The following KIAA0232 variants were observed in gnomAD, a reference collection of about 807,000 sequenced individuals.
The protein encoded by KIAA0232 is KIAA0232.
A neutral mutation model predicts 122.0 loss-of-function variants in KIAA0232; 27 were observed. The observed-to-expected ratio is 0.22, with a 90% CI of 0.16 to 0.31. The LOEUF (loss-of-function observed/expected upper bound fraction) is 0.31. Among genes scored for constraint, KIAA0232 ranks in the 10% least tolerant of loss-of-function variants. The probability of loss-of-function intolerance (pLI) is 1.00; values close to 1 mark genes in which losing one functional copy is unlikely to be tolerated. For missense variants in KIAA0232, 1,551 were observed against 1,634.2 expected (o/e 0.95, Z 0.88); for synonymous variants, 613 against 587.6 (o/e 1.04, Z -0.63).
In KIAA0232 at chr4:6,881,928, G is replaced by GTAGTT. The variant is rs1408187968; in HGVS notation, c.*966_*967insTTAGT. ...CAGCTAGCCGCTTCTTGGCTGTGAT[G>GTAGTT]TAGTATAGCTTCGATCTCATTTTGT... On this transcript the variant is annotated 3_prime_UTR_variant, in exon 10 of 10. Coordinates refer to ENST00000307659, the MANE Select transcript of KIAA0232 (RefSeq NM_014743.3). 6.6e-6 allele frequency: 1 copy of GTAGTT among 152,662 alleles called. No individual in the cohort carries two copies. Among genetic ancestry groups the GTAGTT allele is most frequent in the Non-Finnish European group, 1.5e-5 (1 of 68,034 alleles). 9.5% of individuals were successfully genotyped at this position (152,662 alleles called of 1,614,324 possible). A position where few individuals can be genotyped will look rare whatever the true frequency, so the allele number is the denominator to read the frequency against.
At chr4:6,788,140 G>C (rs970422881) in intron 1 of KIAA0232, among the ~76,000 whole-genome samples, 1 of 152,074 alleles carries the variant, frequency 6.6e-6, no homozygotes, top group African/African-American at 2.4e-5. Context: ...CCTTCCTCCT[G>C]CTGCCTTGGC....
At chr4:6,787,302 C>A (rs368558741) in intron 1 of KIAA0232, among the ~76,000 whole-genome samples, 1 of 151,318 alleles carries the variant, frequency 6.6e-6, no homozygotes, top group East Asian at 1.9e-4. Flanking sequence ...AAAGCAATTG[C>A]GTTTGAGGGG....
rs1207902289 is a variant in KIAA0232 at position 6,880,839 on chromosome 4, AG to A, written c.4062del (p.Lys1354AsnfsTer47). ...RCTGERDSGAKSDGFRGKMCS... is the reference protein window; with the variant it reads ...RCTGERDSGAXSDGFRGKMCS... ...ACAGGAGAGAGAGATTCTGGAGCAA[AG>A]TCAGATGGCTTCCGCGGAAAGATGT... On this transcript the variant is annotated frameshift_variant, in exon 10 of 10. Transcript: ENST00000307659. LOFTEE classifies it low-confidence loss of function (END_TRUNC). The A allele has an allele frequency of 6.2e-7, 1 of 1,605,330 alleles. No individual in the cohort carries two copies. Among genetic ancestry groups the A allele is most frequent in the East Asian group, 2.2e-5 (1 of 44,618 alleles).
intron 3 of KIAA0232, among the ~76,000 whole-genome samples, chr4:6,839,308 A>G (rs1463211512): frequency 6.6e-6 from 1 of 152,248 alleles, no homozygotes; most frequent in Non-Finnish European, 1.5e-5. Flanking sequence ...TTTACATATA[A>G]GGAATATGAA....
intron 1 of KIAA0232, among the ~76,000 whole-genome samples, chr4:6,792,927 C>A (rs766767581): frequency 6.6e-6 from 1 of 152,020 alleles, no homozygotes; most frequent in East Asian, 1.9e-4. Context: ...ATCTCGTGAT[C>A]CGCCTGCCTC....
At chr4:6,844,224 G>A (rs1453148271) in intron 4 of KIAA0232, among the ~76,000 whole-genome samples, 2 of 151,928 alleles carry the variant, frequency 1.3e-5, no homozygotes, top group Non-Finnish European at 2.9e-5. Flanking sequence ...ACAGGCGTGA[G>A]CCACCGCACC....
In KIAA0232 at chr4:6,827,100, A is replaced by G. The variant is rs545253424; in HGVS notation, c.231+2416A>G. On this transcript the variant is annotated intron_variant, in intron 3 of 9. Transcript: ENST00000307659. ...AATCCGTAGGGAAATAAAAGGCCCT[A>G]AAATATTTTTCTACTTGGTCCAAAG... Among the ~76,000 whole-genome samples the G allele has an allele frequency of 2.5e-3, 384 of 152,324 alleles. 1 individual carries two copies. Among genetic ancestry groups the G allele is most frequent in the African/African-American group, 9.1e-3 (380 of 41,582 alleles).
At chr4:6,813,359 T>TG (rs1406379476) in intron 2 of KIAA0232, among the ~76,000 whole-genome samples, 7 of 151,798 alleles carry the variant, frequency 4.6e-5, no homozygotes, top group African/African-American at 1.7e-4. Context: ...CTGTTTTTTT[T>TG]TTTTTGTTTT....
rs537047892 is a variant in KIAA0232, at chr4:6,863,094, A to G, written c.2712A>G (p.Ser904=). The G allele has an allele frequency of 6.2e-7, 1 of 1,614,280 alleles. No homozygotes were observed. Among genetic ancestry groups the G allele is most frequent in the East Asian group, 2.2e-5 (1 of 44,890 alleles). The change falls in exon 7 of 10, where the codon TCA becomes TCG. Residue 904 remains serine (S), a synonymous_variant. Coordinates refer to ENST00000307659, the MANE Select transcript of KIAA0232 (RefSeq NM_014743.3). ...EKRAFASSEL[S]NVDGGDYTTP... ...GAGCATTTGCTTCTAGTGAGCTATCAAACGTGGATGGTGGTGATTATACAA... is the reference window on the plus strand; with the variant it reads ...GAGCATTTGCTTCTAGTGAGCTATCGAACGTGGATGGTGGTGATTATACAA...
chr4:6,867,747 C>T (rs1721261181), intron 7 of KIAA0232, among the ~76,000 whole-genome samples: 1 of 152,172 alleles, frequency 6.6e-6, no homozygotes, highest in Non-Finnish European at 1.5e-5. Context: ...GTAGAGGCTT[C>T]TGTCACCACT....
intron 3 of KIAA0232, among the ~76,000 whole-genome samples, chr4:6,826,989 C>T (rs1323468508): frequency 6.6e-6 from 1 of 152,110 alleles, no homozygotes; most frequent in Non-Finnish European, 1.5e-5. Context: ...TGTGTTTGAT[C>T]CTCCCTCCAG....
chr4:6,866,312 G>A (rs1721179719), intron 7 of KIAA0232: 1 of 837,224 alleles, frequency 1.2e-6, no homozygotes, highest in Non-Finnish European at 1.4e-6. Flanking sequence ...TTCCTTGAAA[G>A]GTCTTAGCTG....
intron 2 of KIAA0232, among the ~76,000 whole-genome samples, chr4:6,807,780 A>G (rs1245858070): frequency 1.3e-5 from 2 of 152,228 alleles, no homozygotes; most frequent in Non-Finnish European, 2.9e-5. Context: ...GAGATCAGAA[A>G]ATAACAGACA....
At chr4:6,814,084 G>A (rs1460016733) in intron 2 of KIAA0232, among the ~76,000 whole-genome samples, 1 of 152,170 alleles carries the variant, frequency 6.6e-6, no homozygotes, top group East Asian at 1.9e-4. Context: ...GTGTACAACT[G>A]CAAGTATATG....
At chr4:6,828,035 C>G (rs1718783039) in intron 3 of KIAA0232, among the ~76,000 whole-genome samples, 6 of 152,148 alleles carry the variant, frequency 3.9e-5, no homozygotes, top group Admixed American at 3.3e-4. Flanking sequence ...CTGATAATTT[C>G]TGATGAAAGC....
intron 3 of KIAA0232, among the ~76,000 whole-genome samples, chr4:6,826,458 C>G (rs978662291): frequency 1.5e-4 from 22 of 149,986 alleles, no homozygotes; most frequent in Admixed American, 4.0e-4. Context: ...TCTCATCATT[C>G]AAAAATTATG....
At chr4:6,816,496 A>G (rs910433157) in intron 2 of KIAA0232, among the ~76,000 whole-genome samples, 10 of 151,912 alleles carry the variant, frequency 6.6e-5, no homozygotes, top group African/African-American at 1.5e-4. Context: ...GTTAGCCAGG[A>G]TGGTATCGAT....
At position 6,881,094 on chromosome 4, in the gene KIAA0232, A is replaced by T; in HGVS notation, c.*128A>T. On this transcript the variant is annotated 3_prime_UTR_variant, in exon 10 of 10. Transcript: ENST00000307659. ...CAATTAACTGATTCAGATTGGTAAT[A>T]ATTATCTTTCTCTTCTTGCTTATTT... 1 of 657,220 alleles carries T rather than the reference A, an allele frequency of 1.5e-6. No homozygotes were observed. 40.7% of individuals were successfully genotyped at this position (657,220 alleles called of 1,614,324 possible). A position where few individuals can be genotyped will look rare whatever the true frequency, so the allele number is the denominator to read the frequency against.
chr4:6,798,584 C>T (rs771008769), intron 1 of KIAA0232, among the ~76,000 whole-genome samples: 5 of 152,204 alleles, frequency 3.3e-5, no homozygotes, highest in Non-Finnish European at 5.9e-5. Context: ...GACAGGGTCT[C>T]GCTGTCGCAC....
Sources: gnomAD v4.1 joint callset for allele counts (sites outside exome capture counted in the v4.1 genomes callset) on GRCh38, gnomAD v4.1.1 for gene constraint, MANE v1.5 for transcripts, NCBI Gene and HGNC (gene_info 2026-07-23, HGNC 2026-07-21) for gene names.